The following CCDC158 variants were observed in gnomAD, a reference collection of about 807,000 sequenced individuals.
CCDC158 encodes the protein coiled-coil domain containing 158, also known as coiled-coil domain-containing protein 158.
CCDC158 carries 116 observed loss-of-function variants against 138.6 expected under a neutral mutation model. The observed-to-expected ratio is 0.84, with a 90% CI of 0.72 to 0.98. The LOEUF is 0.98. Ranked by LOEUF, CCDC158 falls within the 50% of genes least tolerant of loss-of-function variation. The pLI is 0.00. For missense variants in CCDC158, 1,265 were observed against 1,306.1 expected, an observed-to-expected ratio of 0.97 and a Z score of 0.48; for synonymous variants, 436 against 442.4, an observed-to-expected ratio of 0.99 and a Z score of 0.18.
chr4:76,363,030 C>T (rs564236330), intron 12 of CCDC158, among the ~76,000 whole-genome samples: 3 of 152,280 alleles, frequency 2.0e-5, no homozygotes, highest in South Asian at 2.1e-4. Flanking sequence ...CCTTGACTGT[C>T]GTCTGGGAAC....
At chr4:76,376,171 A>G (rs955714029) in intron 9 of CCDC158, among the ~76,000 whole-genome samples, 1 of 151,742 alleles carries the variant, frequency 6.6e-6, no homozygotes, top group Non-Finnish European at 1.5e-5. Flanking sequence ...CTCCCATCTT[A>G]GCCTTTCTAG....
chr4:76,345,186 G>A (rs754549748), intron 18 of CCDC158: 46 of 979,096 alleles, frequency 4.7e-5, no homozygotes, highest in Non-Finnish European at 7.1e-5. Flanking sequence ...GAAGGTTGCT[G>A]TGCTATTTGA....
chr4:76,316,272 A>G (rs1719376912), intron 24 of CCDC158, among the ~76,000 whole-genome samples: 1 of 152,188 alleles, frequency 6.6e-6, no homozygotes, highest in South Asian at 2.1e-4. Context: ...AACAATCACA[A>G]TTTCTGGAAA....
rs771482695 is a variant in CCDC158, at chr4:76,355,357, C to T, written c.2253G>A (p.Gln751=). ...CATTTGTCATTGCCTCTTCCAAAAA[C>T]TGTATCTTGCTCTGAAGGGCATCTA... ...GQIDALQSKI[Q]FLEEAMTNAN... Residue 751 remains glutamine (Q), a synonymous_variant, in exon 15 of 25, where the codon CAG becomes CAA. Transcript: ENST00000682701. 10 of 1,613,848 alleles carry T rather than the reference C, an allele frequency of 6.2e-6. No individual in the cohort carries two copies. In the Admixed American group the frequency reaches 1.7e-4, roughly 27 times the overall value.
intron 2 of CCDC158, among the ~76,000 whole-genome samples, chr4:76,411,840 C>G (rs1366151167): frequency 6.6e-6 from 1 of 152,204 alleles, no homozygotes; most frequent in East Asian, 1.9e-4. Context: ...ACACCCTCCT[C>G]TCTGCCCCAG....
Position 76,379,877 on chromosome 4 carries a change from C to A in CCDC158, c.915-473G>T, listed in dbSNP as rs934927325. 2.6e-5 allele frequency among the ~76,000 whole-genome samples: 4 copies of A among 152,028 alleles called. No homozygotes were observed. In the South Asian group the frequency reaches 6.2e-4, roughly 24 times the overall value. On this transcript the variant is annotated intron_variant, in intron 8 of 24. Coordinates refer to ENST00000682701, the MANE Select transcript of CCDC158 (RefSeq NM_001394954.1). ...GTGGGAGGTGATTGGACTGTGGGGG[C>A]AGATTTCCCCCATACTGTTCTCATG...
chr4:76,347,581 T>C (rs1457581510), intron 18 of CCDC158, among the ~76,000 whole-genome samples: 2 of 152,034 alleles, frequency 1.3e-5, no homozygotes, highest in African/African-American at 4.8e-5. Flanking sequence ...AGGGGAGGGA[T>C]AGCATTAGGA....
At chr4:76,354,703 C>T (rs1251704600) in intron 15 of CCDC158, among the ~76,000 whole-genome samples, 1 of 152,130 alleles carries the variant, frequency 6.6e-6, no homozygotes, top group Non-Finnish European at 1.5e-5. Flanking sequence ...CTCAAACACC[C>T]ACCTACCGGC....
At chr4:76,400,952 G>T (rs1426881697) in intron 3 of CCDC158, among the ~76,000 whole-genome samples, 1 of 152,154 alleles carries the variant, frequency 6.6e-6, no homozygotes, top group African/African-American at 2.4e-5. Flanking sequence ...TAATTTTGGA[G>T]AAAATGGCAG....
chr4:76,345,418 T>C (rs2110149326), intron 18 of CCDC158: 1 of 940,592 alleles, frequency 1.1e-6, no homozygotes, highest in Non-Finnish European at 1.8e-6. Flanking sequence ...GAGTGCTGCC[T>C]GAAATTTGAA....
chr4:76,338,526 A>C (rs1284860161), intron 18 of CCDC158, among the ~76,000 whole-genome samples: 1 of 152,202 alleles, frequency 6.6e-6, no homozygotes, highest in African/African-American at 2.4e-5. Context: ...AAACAAAAAC[A>C]AAATGAAAAA....
Position 76,367,736 on chromosome 4 carries a change from A to G in CCDC158, c.1388T>C (p.Val463Ala), listed in dbSNP as rs1724830044. Residue 463 changes from valine to alanine, a missense_variant, in exon 12 of 25, where the codon GTA (valine) becomes GCA (alanine). By Grantham distance (64) the Val-to-Ala change is moderately conservative (BLOSUM62 0). Transcript: ENST00000682701. ...TTCAAGCTGAGCAGTCAAGGAGGAT[A>G]CTTTTTCTAGACTTTCATTCTTTCC... is the stretch of plus-strand genomic sequence containing the variant. Reference protein sequence around the residue: ...IQGKNESLEKVSSLTAQLEST... With the variant: ...IQGKNESLEKASSLTAQLEST... The G allele has an allele frequency of 6.2e-7, 1 of 1,607,792 alleles. No individual in the cohort carries two copies. The highest frequency in any genetic ancestry group is 2.2e-5 in the East Asian group (1 of 44,748).
At chr4:76,394,715 A>G (rs1727618970) in intron 4 of CCDC158, among the ~76,000 whole-genome samples, 1 of 152,134 alleles carries the variant, frequency 6.6e-6, no homozygotes, top group African/African-American at 2.4e-5. Context: ...TACACATTGC[A>G]TGCCTGTACC....
intron 2 of CCDC158, among the ~76,000 whole-genome samples, chr4:76,408,838 T>A (rs958451870): frequency 6.6e-6 from 1 of 152,176 alleles, no homozygotes; most frequent in Non-Finnish European, 1.5e-5. Context: ...CCACATCCTC[T>A]CCAGCACCTG....
intron 24 of CCDC158, among the ~76,000 whole-genome samples, chr4:76,320,146 C>T (rs1719864616): frequency 1.3e-5 from 2 of 152,162 alleles, no homozygotes; most frequent in African/African-American, 2.4e-5. Context: ...TACACACCAA[C>T]AATGACCAAG....
chr4:76,382,607 T>C lies in CCDC158; in HGVS notation c.914+3A>G, dbSNP rs200810826. The stretch of plus-strand genomic sequence containing the variant: ...GAATGACTAACAGTTTCAAACCACA[T>C]ACTGAATGATTTCCATTTGACTCTG... On this transcript the variant is annotated splice_donor_region_variant and intron_variant, in intron 8 of 24. Transcript: ENST00000682701. 44 of 1,566,468 alleles carry C rather than the reference T, an allele frequency of 2.8e-5. No homozygotes were observed. The highest frequency in any genetic ancestry group is 3.8e-5 in the Non-Finnish European group (43 of 1,137,702).
chr4:76,410,138 A>G (rs932002244), intron 2 of CCDC158, among the ~76,000 whole-genome samples: 8 of 152,182 alleles, frequency 5.3e-5, no homozygotes, highest in Non-Finnish European at 8.8e-5. Context: ...CTACTACTTA[A>G]GGTGGACCTC....
intron 2 of CCDC158, among the ~76,000 whole-genome samples, chr4:76,408,694 A>G (rs893850765): frequency 7.2e-5 from 11 of 152,190 alleles, no homozygotes; most frequent in African/African-American, 2.7e-4. Context: ...TCCTTTGCAT[A>G]TATACCCAGT....
chr4:76,375,614 A>C, intron 9 of CCDC158: 1 of 703,016 alleles, frequency 1.4e-6, no homozygotes, highest in Non-Finnish European at 2.6e-6. Flanking sequence ...GTTGTCAAAA[A>C]GCGAAAGTTA....
Sources: gnomAD v4.1 joint callset for allele counts (sites outside exome capture counted in the v4.1 genomes callset) on GRCh38, gnomAD v4.1.1 for gene constraint, MANE v1.5 for transcripts, NCBI Gene and HGNC (gene_info 2026-07-23, HGNC 2026-07-21) for gene names.